The following JAKMIP2 variants were observed in gnomAD, a reference collection of about 807,000 sequenced individuals.
JAKMIP2 encodes janus kinase and microtubule interacting protein 2.
In JAKMIP2, 25 loss-of-function variants were observed where a neutral mutation model predicts 115.0. The observed-to-expected ratio is 0.22, with a 90% CI of 0.16 to 0.30. JAKMIP2 has a LOEUF of 0.30. Ranked by LOEUF, JAKMIP2 falls within the 10% of genes least tolerant of loss-of-function variation. The probability of loss-of-function intolerance (pLI) is 1.00; values close to 1 mark genes in which losing one functional copy is unlikely to be tolerated. For synonymous variants in JAKMIP2, 334 were observed against 343.6 expected (o/e 0.97, Z 0.31); for missense variants, 642 against 957.6 (o/e 0.67, Z 4.35).
chr5:147,775,876 A>C (rs959958682), intron 1 of JAKMIP2, among the ~76,000 whole-genome samples: 7 of 152,138 alleles, frequency 4.6e-5, no homozygotes, highest in African/African-American at 1.7e-4. Flanking sequence ...ACACAGTTTC[A>C]TTTTCTGCCC....
In JAKMIP2 at chr5:147,591,521, C is replaced by G; in HGVS notation, c.*186G>C. The G allele has an allele frequency of 1.4e-6, 1 of 708,900 alleles. No homozygotes were observed. The highest frequency in any genetic ancestry group is 1.7e-5 in the South Asian group (1 of 57,990). 43.9% of individuals were successfully genotyped at this position (708,900 alleles called of 1,614,324 possible). A position where few individuals can be genotyped will look rare whatever the true frequency, so the allele number is the denominator to read the frequency against. Reference sequence around the variant, plus strand: ...TTCAACAGGGTTGTGTAGGAACTGTCAAGTAAGAAACCTTGAATAATGGCT... The same window carrying G: ...TTCAACAGGGTTGTGTAGGAACTGTGAAGTAAGAAACCTTGAATAATGGCT... On this transcript the variant is annotated 3_prime_UTR_variant, in exon 22 of 22. Coordinates refer to ENST00000616793, the MANE Select transcript of JAKMIP2 (RefSeq NM_001270941.2).
rs750873796 is a variant in JAKMIP2, at chr5:147,671,770, C to T, written c.37G>A (p.Glu13Lys). 2.5e-6 allele frequency: 4 copies of T among 1,591,602 alleles called. No homozygotes were observed. The highest frequency in any genetic ancestry group is 1.1e-5 in the South Asian group (1 of 87,616). The change falls in exon 2 of 22, where the codon GAG becomes AAG. Residue 13 changes from glutamate (E) to lysine (K), a missense_variant. By Grantham distance (56) the Glu-to-Lys change is moderately conservative. This residue lies in a region of JAKMIP2 where 439 missense variants were observed against 570.9 expected (regional missense o/e 0.77). Coordinates refer to ENST00000616793, the MANE Select transcript of JAKMIP2 (RefSeq NM_001270941.2). The part of the protein sequence containing the change: ...KKGRNKGEKP[E>K]ALIVALQAAN... ...GCTTGAAGGGCAACAATGAGTGCCT[C>T]GGGCTTCTCGCCCTTATTTCGCCCT...
chr5:147,628,478 T>C (rs971606953), intron 16 of JAKMIP2, among the ~76,000 whole-genome samples: 11 of 152,180 alleles, frequency 7.2e-5, no homozygotes, highest in South Asian at 2.1e-4. Context: ...ATTGTGTAAA[T>C]AATGTAATCT....
chr5:147,623,603 A>T lies in JAKMIP2; in HGVS notation c.2064+18T>A. The T allele has an allele frequency of 6.5e-7, 1 of 1,541,982 alleles. No individual in the cohort carries two copies. Among genetic ancestry groups the T allele is most frequent in the Non-Finnish European group, 9.0e-7 (1 of 1,115,298 alleles). On this transcript the variant is annotated intron_variant, in intron 17 of 21. Transcript: ENST00000616793. Reference sequence around the variant, plus strand: ...GTAAGTTTTTCTTAATTTTTACAATATCTCATCTTGTACTTACCATGTCAC... The same window carrying T: ...GTAAGTTTTTCTTAATTTTTACAATTTCTCATCTTGTACTTACCATGTCAC...
intron 1 of JAKMIP2, among the ~76,000 whole-genome samples, chr5:147,774,080 C>T (rs182451105): frequency 3.3e-5 from 5 of 152,182 alleles, no homozygotes; most frequent in African/African-American, 1.2e-4. Flanking sequence ...CAAATGTTTT[C>T]CATAATATAG....
intron 1 of JAKMIP2, among the ~76,000 whole-genome samples, chr5:147,767,296 A>T (rs1755190437): frequency 6.6e-6 from 1 of 152,194 alleles, no homozygotes; most frequent in Non-Finnish European, 1.5e-5. Context: ...ACTGACGGAA[A>T]ATGTGATGGA....
chr5:147,697,064 A>G (rs1277010503), intron 1 of JAKMIP2, among the ~76,000 whole-genome samples: 1 of 152,218 alleles, frequency 6.6e-6, no homozygotes, highest in Non-Finnish European at 1.5e-5. Flanking sequence ...AGCCTGCTGT[A>G]GAAATTTGCA....
At chr5:147,749,430 G>C (rs1056013037) in intron 1 of JAKMIP2, among the ~76,000 whole-genome samples, 11 of 152,194 alleles carry the variant, frequency 7.2e-5, no homozygotes, top group Non-Finnish European at 1.5e-5. Flanking sequence ...ACATGTGACA[G>C]AGCTAGAAGT....
At chr5:147,592,192 GCCACTTCTCTA>G (rs1755130814) in intron 21 of JAKMIP2, among the ~76,000 whole-genome samples, 2 of 152,108 alleles carry the variant, frequency 1.3e-5, no homozygotes, top group Non-Finnish European at 2.9e-5. Flanking sequence ...TTCAAACACT[GCCACTTCTCTA>G]CCTCCCCACT....
chr5:147,741,747 GT>G (rs1561570802), intron 1 of JAKMIP2, among the ~76,000 whole-genome samples: 1 of 152,062 alleles, frequency 6.6e-6, no homozygotes, highest in African/African-American at 2.4e-5. Context: ...CTATAATTAA[GT>G]ATTGAATTAA....
intron 13 of JAKMIP2, among the ~76,000 whole-genome samples, 198 bp downstream of exon 13, chr5:147,632,482 C>G (rs577879443): frequency 6.6e-6 from 1 of 152,204 alleles, no homozygotes; most frequent in East Asian, 1.9e-4. Flanking sequence ...TGCATCAGAG[C>G]TTTACCACTT....
intron 21 of JAKMIP2, among the ~76,000 whole-genome samples, chr5:147,599,036 A>G (rs1488632600): frequency 6.6e-6 from 1 of 152,182 alleles, no homozygotes; most frequent in Non-Finnish European, 1.5e-5. Context: ...AAAAGCAACT[A>G]TTTGTTTGGG....
intron 1 of JAKMIP2, among the ~76,000 whole-genome samples, chr5:147,740,999 C>T (rs1754122895): frequency 6.6e-6 from 1 of 152,048 alleles, no homozygotes; most frequent in Admixed American, 6.6e-5. Flanking sequence ...AGACCACTAT[C>T]GCCTCATATC....
At chr5:147,753,985 G>A (rs751179919) in intron 1 of JAKMIP2, among the ~76,000 whole-genome samples, 1 of 152,060 alleles carries the variant, frequency 6.6e-6, no homozygotes, top group African/African-American at 2.4e-5. Context: ...ACGCAATGAT[G>A]CAACTACACT....
intron 1 of JAKMIP2, among the ~76,000 whole-genome samples, chr5:147,677,843 A>G (rs866238247): frequency 5.3e-5 from 8 of 152,300 alleles, no homozygotes; most frequent in Middle Eastern, 6.8e-3. Flanking sequence ...CTTAAAATCT[A>G]CTTTCCTAGC....
intron 1 of JAKMIP2, among the ~76,000 whole-genome samples, chr5:147,721,605 C>T (rs1298693724): frequency 2.6e-5 from 4 of 152,100 alleles, no homozygotes; most frequent in Non-Finnish European, 5.9e-5. Context: ...GGGAGTGACC[C>T]GATTTTCCAG....
intron 21 of JAKMIP2, among the ~76,000 whole-genome samples, chr5:147,598,807 A>G (rs935810869): frequency 6.6e-6 from 1 of 152,202 alleles, no homozygotes; most frequent in African/African-American, 2.4e-5. Context: ...TCTTGGGTTT[A>G]TGAACACAAT....
intron 20 of JAKMIP2, among the ~76,000 whole-genome samples, chr5:147,611,619 T>G (rs549820763): frequency 6.6e-6 from 1 of 152,292 alleles, no homozygotes; most frequent in South Asian, 2.1e-4. Flanking sequence ...AGATGGGAGC[T>G]GTTCCTATTC....
chr5:147,612,507 T>G, intron 19 of JAKMIP2, 136 bp from the exon 20 acceptor site: 2 of 572,028 alleles, frequency 3.5e-6, no homozygotes, highest in Non-Finnish European at 6.2e-6. Context: ...ATCGCATGTA[T>G]GTTTTCCCCA....
Sources: allele counts gnomAD v4.1 joint callset (sites outside exome capture counted in the v4.1 genomes callset), GRCh38; gene constraint gnomAD v4.1.1; regional missense constraint gnomAD v4.1.1; transcripts MANE v1.5; gene names NCBI Gene and HGNC (gene_info 2026-07-23, HGNC 2026-07-21).